Variants in B3GALT1 observed in about 807,000 individuals in gnomAD.
The protein encoded by B3GALT1 is UDP-Gal:betaGlcNAc beta 1,3-galactosyltransferase, polypeptide 1.
A neutral mutation model predicts 23.2 loss-of-function variants in B3GALT1; 10 were observed. The ratio of observed to expected loss-of-function variants is 0.43; its 90% confidence interval spans 0.27 to 0.73. B3GALT1 has a LOEUF of 0.73. Among genes scored for constraint, B3GALT1 ranks in the 30% least tolerant of loss-of-function variants. B3GALT1 has a pLI of 0.21. For missense variants in B3GALT1, 299 were observed against 405.4 expected (o/e 0.74, Z 2.25); for synonymous variants, 156 against 141.5 (o/e 1.10, Z -0.73).
At chr2:167,567,654 A>G (rs1236981425) in intron 2 of B3GALT1, among the ~76,000 whole-genome samples, 1 of 152,032 alleles carries the variant, frequency 6.6e-6, no homozygotes, top group Non-Finnish European at 1.5e-5. Context: ...TCCATCCCCC[A>G]TACATGCCAG....
chr2:167,394,924 G>A (rs1698072390), intron 1 of B3GALT1, among the ~76,000 whole-genome samples: 1 of 152,152 alleles, frequency 6.6e-6, no homozygotes, highest in Non-Finnish European at 1.5e-5. Context: ...CCACCATTGT[G>A]CTTTGGGAAC....
intron 2 of B3GALT1, among the ~76,000 whole-genome samples, chr2:167,644,020 A>T (rs1685700756): frequency 6.6e-6 from 1 of 152,228 alleles, no homozygotes; most frequent in African/African-American, 2.4e-5. Context: ...AGAGAAGAGG[A>T]GCAAAATACA....
chr2:167,352,280 GT>G (rs751182725), intron 1 of B3GALT1, among the ~76,000 whole-genome samples: 1,974 of 8,600 alleles, frequency 0.23, 30 homozygotes, highest in Middle Eastern at 0.45. Context: ...TTTTTTTTTT[GT>G]TTTTTTTTTT....
chr2:167,793,001 A>T (rs180703982), intron 3 of B3GALT1, among the ~76,000 whole-genome samples: 2 of 152,150 alleles, frequency 1.3e-5, no homozygotes, highest in Non-Finnish European at 2.9e-5. Flanking sequence ...AGAATTTATC[A>T]GTTAAGGTGC....
intron 2 of B3GALT1, among the ~76,000 whole-genome samples, chr2:167,505,928 C>T (rs192883899): frequency 1.1e-3 from 167 of 152,056 alleles, no homozygotes; most frequent in Non-Finnish European, 1.5e-3. Flanking sequence ...GGCGTGGTGG[C>T]GGGCTCCTGT....
At chr2:167,627,334 C>T (rs1037190890) in intron 2 of B3GALT1, among the ~76,000 whole-genome samples, 1 of 151,750 alleles carries the variant, frequency 6.6e-6, no homozygotes, top group African/African-American at 2.4e-5. Flanking sequence ...CACTTCTCCC[C>T]TTTGTCCCCT....
chr2:167,328,871 G>A (rs1469343685), intron 1 of B3GALT1, among the ~76,000 whole-genome samples: 1 of 152,032 alleles, frequency 6.6e-6, no homozygotes, highest in East Asian at 1.9e-4. Flanking sequence ...GAAGTGTAGT[G>A]GGATGATCGC....
intron 1 of B3GALT1, among the ~76,000 whole-genome samples, chr2:167,382,873 A>C (rs1457668333): frequency 1.3e-5 from 2 of 152,184 alleles, no homozygotes; most frequent in African/African-American, 4.8e-5. Context: ...TACCTTATTT[A>C]TAAACACCTC....
At chr2:167,425,264 G>A (rs1297546259) in intron 1 of B3GALT1, among the ~76,000 whole-genome samples, 3 of 152,130 alleles carry the variant, frequency 2.0e-5, no homozygotes, top group Admixed American at 6.5e-5. Context: ...GACAGTTGCC[G>A]CTTACCGCTT....
At chr2:167,443,118 C>T (rs372062569) in intron 1 of B3GALT1, among the ~76,000 whole-genome samples, 41 of 151,734 alleles carry the variant, frequency 2.7e-4, no homozygotes, top group Admixed American at 1.5e-3. Flanking sequence ...CCAGCACCAT[C>T]TATTAAATAG....
intron 2 of B3GALT1, among the ~76,000 whole-genome samples, chr2:167,640,073 C>T (rs1393079963): frequency 6.6e-6 from 1 of 152,008 alleles, no homozygotes; most frequent in Non-Finnish European, 1.5e-5. Context: ...TATGATGTTC[C>T]AAATAACATC....
chr2:167,387,386 T>C (rs959615446), intron 1 of B3GALT1, among the ~76,000 whole-genome samples: 9 of 152,218 alleles, frequency 5.9e-5, no homozygotes, highest in African/African-American at 2.2e-4. Flanking sequence ...TAAAATTGGA[T>C]CTGGATAAGG....
At chr2:167,714,182 G>C in intron 3 of B3GALT1, 1 of 1,515,458 alleles carries the variant, frequency 6.6e-7, no homozygotes, top group South Asian at 1.1e-5. Context: ...ATCAGAATTA[G>C]AATAAAATCT....
At chr2:167,433,763 A>G (rs964969931) in intron 1 of B3GALT1, among the ~76,000 whole-genome samples, 1 of 152,212 alleles carries the variant, frequency 6.6e-6, no homozygotes, top group East Asian at 1.9e-4. Context: ...CGAAAATTCT[A>G]TTAAAACACG....
chr2:167,330,521 G>T (rs938501197), intron 1 of B3GALT1, among the ~76,000 whole-genome samples: 2 of 152,044 alleles, frequency 1.3e-5, no homozygotes, highest in African/African-American at 4.8e-5. Flanking sequence ...GAGGTGGGAG[G>T]ATCACCTGAG....
chr2:167,851,231 T>C (rs1397696244), intron 4 of B3GALT1, among the ~76,000 whole-genome samples: 1 of 151,930 alleles, frequency 6.6e-6, no homozygotes, highest in Non-Finnish European at 1.5e-5. Flanking sequence ...AATAATAAGC[T>C]ACTAAATTTA....
intron 2 of B3GALT1, among the ~76,000 whole-genome samples, chr2:167,552,476 T>C (rs1345506031): frequency 6.6e-6 from 1 of 152,206 alleles, no homozygotes; most frequent in Non-Finnish European, 1.5e-5. Context: ...TATACTATAA[T>C]AAAGTAGATA....
intron 1 of B3GALT1, among the ~76,000 whole-genome samples, chr2:167,351,285 G>GAAAA (rs1559072531): frequency 2.1e-4 from 31 of 147,456 alleles, no homozygotes; most frequent in African/African-American, 7.7e-4. Context: ...AAAAAAAAAC[G>GAAAA]AAAACAAAAA....
Position 167,870,095 on chromosome 2 carries a change from G to T in B3GALT1, c.*75G>T. ...CCTAAGGTGTTGGTATTTTCCAGGT[G>T]TCGGGGGAAATGAACTGGTGAAGGG... is the stretch of plus-strand genomic sequence containing the variant. On this transcript the variant is annotated 3_prime_UTR_variant, in exon 5 of 5. Transcript: ENST00000392690. 7.0e-7 allele frequency: 1 copy of T among 1,434,468 alleles called. No homozygotes were observed. Among genetic ancestry groups the T allele is most frequent in the Non-Finnish European group, 9.3e-7 (1 of 1,073,748 alleles). The allele number at this position is 1,434,468 out of a possible 1,614,324, so 88.9% of individuals were successfully genotyped here.
Sources: allele counts gnomAD v4.1 joint callset (sites outside exome capture counted in the v4.1 genomes callset), GRCh38; gene constraint gnomAD v4.1.1; transcripts MANE v1.5; gene names NCBI Gene and HGNC (gene_info 2026-07-23, HGNC 2026-07-21).